The following SLC30A8 variants were observed in gnomAD, a reference collection of about 807,000 sequenced individuals.
SLC30A8 encodes solute carrier family 30 member 8, also known as proton-coupled zinc antiporter SLC30A8.
In SLC30A8, 27 loss-of-function variants were observed where a neutral mutation model predicts 36.9. The ratio of observed to expected loss-of-function variants is 0.73; its 90% CI spans 0.54 to 1.01. SLC30A8 has a LOEUF of 1.01. SLC30A8 is among the 50% of genes least tolerant of loss of function. The pLI is 0.00. For synonymous variants in SLC30A8, 164 were observed against 172.4 expected, an observed-to-expected ratio of 0.95 and a Z score of 0.38; for missense variants, 439 against 452.0, an observed-to-expected ratio of 0.97 and a Z score of 0.26.
At chr8:116,959,881 G>A (rs1814357730) in intron 1 of SLC30A8, among the ~76,000 whole-genome samples, 1 of 152,152 alleles carries the variant, frequency 6.6e-6, no homozygotes, top group African/African-American at 2.4e-5. Context: ...AAACATTCTG[G>A]TGAATTATCA....
intron 1 of SLC30A8, among the ~76,000 whole-genome samples, chr8:117,028,779 T>A (rs1816948892): frequency 6.6e-6 from 1 of 152,014 alleles, no homozygotes; most frequent in South Asian, 2.1e-4. Context: ...TATGTGTCTG[T>A]AAATAATAAA....
At position 117,174,738 on chromosome 8, in the gene SLC30A8, G is replaced by C. The variant is rs991226371; in HGVS notation, c.*2057G>C. On this transcript the variant is annotated 3_prime_UTR_variant, in exon 8 of 8. Coordinates refer to ENST00000456015, the MANE Select transcript of SLC30A8 (RefSeq NM_173851.3). ...TAAGTCAGAAATTCACTGAATGTCAGGTAATCATTATGGAGGGAGATTTGT... is the reference window on the plus strand; with the variant it reads ...TAAGTCAGAAATTCACTGAATGTCACGTAATCATTATGGAGGGAGATTTGT... The C allele has an allele frequency of 2.6e-5, 4 of 152,502 alleles. No homozygotes were observed. Among genetic ancestry groups the C allele is most frequent in the African/African-American group, 9.7e-5 (4 of 41,416 alleles). The allele number at this position is 152,502 out of a possible 1,614,324, so 9.4% of individuals were successfully genotyped here. A position where few individuals can be genotyped will look rare whatever the true frequency, so the allele number is the denominator to read the frequency against.
chr8:116,999,116 C>T (rs951474565), intron 1 of SLC30A8, among the ~76,000 whole-genome samples: 3 of 151,998 alleles, frequency 2.0e-5, no homozygotes, highest in African/African-American at 7.3e-5. Flanking sequence ...AAAATTAGCC[C>T]AGCATGATGG....
intron 1 of SLC30A8, among the ~76,000 whole-genome samples, chr8:117,024,410 A>C (rs1443371801): frequency 1.3e-5 from 2 of 152,220 alleles, no homozygotes. Context: ...TATTTCTTCC[A>C]CAAAGCCTTC....
chr8:116,990,251 G>A (rs186750755), intron 1 of SLC30A8, among the ~76,000 whole-genome samples: 223 of 151,936 alleles, frequency 1.5e-3, no homozygotes, highest in Middle Eastern at 0.01. Flanking sequence ...TTGCCCCTCC[G>A]GGAGGTGACA....
At chr8:116,980,738 C>A (rs1473481341) in intron 1 of SLC30A8, among the ~76,000 whole-genome samples, 1 of 152,096 alleles carries the variant, frequency 6.6e-6, no homozygotes, top group Non-Finnish European at 1.5e-5. Context: ...CAAAACACAC[C>A]CCCATCGAAA....
At chr8:117,051,975 G>T (rs1413353014) in intron 2 of SLC30A8, among the ~76,000 whole-genome samples, 1 of 152,122 alleles carries the variant, frequency 6.6e-6, no homozygotes, top group Non-Finnish European at 1.5e-5. Context: ...GCTATGCTTT[G>T]TGTACAGCCT....
chr8:116,980,814 C>T (rs1249112504), intron 1 of SLC30A8, among the ~76,000 whole-genome samples: 4 of 152,216 alleles, frequency 2.6e-5, no homozygotes. Context: ...AACCAATGCA[C>T]ATATGAATAT....
chr8:116,980,294 G>T lies in SLC30A8; in HGVS notation c.-266+29175G>T, dbSNP rs1002727547. ...TCTTAGAATGGATTCTACAGAGGCT[G>T]GGCCTGAAATGGGGAGTCTTGTCCA... On this transcript the variant is annotated intron_variant, in intron 1 of 10. Transcript: ENST00000427715. Among the ~76,000 whole-genome samples the T allele has an allele frequency of 2.0e-5, 3 of 152,178 alleles. No individual in the cohort carries two copies. In the South Asian group the frequency reaches 6.2e-4, roughly 32 times the overall value.
intron 1 of SLC30A8, among the ~76,000 whole-genome samples, chr8:116,956,629 A>G (rs574454225): frequency 2.0e-5 from 3 of 152,226 alleles, no homozygotes; most frequent in Non-Finnish European, 2.9e-5. Context: ...AGGGGATGCC[A>G]TAAAAAAATC....
At chr8:116,964,954 GA>G (rs1329037683) in intron 1 of SLC30A8, among the ~76,000 whole-genome samples, 1 of 152,138 alleles carries the variant, frequency 6.6e-6, no homozygotes, top group Non-Finnish European at 1.5e-5. Flanking sequence ...GTTTGTTTTT[GA>G]GACGGAATTT....
At chr8:117,163,692 A>G (rs932101563) in intron 6 of SLC30A8, among the ~76,000 whole-genome samples, 162 bp downstream of exon 6, 3 of 152,168 alleles carry the variant, frequency 2.0e-5, no homozygotes, top group Middle Eastern at 6.3e-3. Context: ...TTTTTTTCCT[A>G]TGGGAACAAG....
At chr8:117,117,208 G>A (rs536718848) in intron 2 of SLC30A8, among the ~76,000 whole-genome samples, 2 of 152,034 alleles carry the variant, frequency 1.3e-5, no homozygotes, top group African/African-American at 4.8e-5. Context: ...TTTTCTGTGT[G>A]CCAGGCTCTT....
chr8:117,117,218 T>C (rs1057368254), intron 2 of SLC30A8, among the ~76,000 whole-genome samples: 1 of 152,028 alleles, frequency 6.6e-6, no homozygotes, highest in Admixed American at 6.6e-5. Context: ...GCCAGGCTCT[T>C]TTCTAAGCAC....
Position 117,129,280 on chromosome 8 carries a change from TGG to T in SLC30A8, c.-225-5998_-225-5997del, listed in dbSNP as rs373079538. ...ACTAGTCAGTGTACCTCACTTTAGT[TGG>T]GAGCCTTGTGTTTATTAAAAAATTA... On this transcript the variant is annotated intron_variant, in intron 2 of 10. Coordinates refer to the SLC30A8 transcript ENST00000427715. 5.4e-3 allele frequency among the ~76,000 whole-genome samples: 826 copies of T among 152,152 alleles called. 7 individuals carry two copies. The highest frequency in any genetic ancestry group is 0.018 in the African/African-American group (766 of 41,532).
chr8:117,171,100 CTG>C lies in SLC30A8; in HGVS notation c.899_900del (p.Val300AlafsTer36). On this transcript the variant is annotated frameshift_variant, in exon 7 of 8. Transcript: ENST00000456015. LOFTEE classifies it high-confidence loss of function. ...ATTTTAGCAGTCGACGGGGTGCTGTCTGTGCACAGCCTGCACATCTGGTCTCT... is the reference window on the plus strand; with the variant it reads ...ATTTTAGCAGTCGACGGGGTGCTGTCTGCACAGCCTGCACATCTGGTCTCT... The C allele has an allele frequency of 1.2e-6, 2 of 1,612,874 alleles. No individual in the cohort carries two copies. The highest frequency in any genetic ancestry group is 1.7e-6 in the Non-Finnish European group (2 of 1,179,174).
At chr8:117,143,091 A>G (rs1382700963) in intron 1 of SLC30A8, among the ~76,000 whole-genome samples, 3 of 152,178 alleles carry the variant, frequency 2.0e-5, no homozygotes, top group African/African-American at 4.8e-5. Flanking sequence ...ATTTGAAATA[A>G]GAGGATAAAA....
intron 1 of SLC30A8, chr8:117,006,919 A>G (rs1234608716): frequency 7.8e-6 from 1 of 128,802 alleles, no homozygotes; most frequent in African/African-American, 3.0e-5. Flanking sequence ...AGTAGCTGGG[A>G]TTACAGGCAC....
At chr8:117,153,792 G>A (rs1471247952) in intron 3 of SLC30A8, among the ~76,000 whole-genome samples, 2 of 151,592 alleles carry the variant, frequency 1.3e-5, no homozygotes, top group Non-Finnish European at 2.9e-5. Context: ...GTTGTAACAG[G>A]AGGAAAGCAA....
Sources: allele counts gnomAD v4.1 joint callset (sites outside exome capture counted in the v4.1 genomes callset), GRCh38; gene constraint gnomAD v4.1.1; transcripts MANE v1.5; gene names NCBI Gene and HGNC (gene_info 2026-07-23, HGNC 2026-07-21).